Variants in DPYS observed in about 807,000 individuals in gnomAD.
The protein encoded by DPYS is dihydropyrimidine amidohydrolase.
Under a neutral mutation model 50.3 loss-of-function variants are expected in DPYS, and 39 were observed. The observed-to-expected ratio is 0.78, with a 90% CI of 0.60 to 1.01. DPYS has a LOEUF of 1.01. Ranked by LOEUF, DPYS falls within the 50% of genes least tolerant of loss-of-function variation. The pLI is 0.00. For missense variants in DPYS, 659 were observed against 680.9 expected, an observed-to-expected ratio of 0.97 and a Z score of 0.36; for synonymous variants, 245 against 250.7, an observed-to-expected ratio of 0.98 and a Z score of 0.22.
chr8:104,397,665 G>C (rs1719954642), intron 7 of DPYS, among the ~76,000 whole-genome samples: 1 of 152,028 alleles, frequency 6.6e-6, no homozygotes, highest in South Asian at 2.1e-4. Flanking sequence ...TAAATACTTG[G>C]CAATTTTAAT....
At chr8:104,420,934 C>T (rs1812519013) in intron 7 of DPYS, 2 of 152,246 alleles carry the variant, frequency 1.3e-5, no homozygotes, top group Non-Finnish European at 2.9e-5. Flanking sequence ...TTGTGTAACA[C>T]GTTCTTAGTT....
At chr8:104,448,466 C>A (rs1353217407) in intron 2 of DPYS, among the ~76,000 whole-genome samples, 3 of 152,000 alleles carry the variant, frequency 2.0e-5, no homozygotes, top group Admixed American at 2.0e-4. Flanking sequence ...TCAATAATTG[C>A]TTTTGTAGGT....
At chr8:104,429,987 G>A (rs1812897043) in intron 4 of DPYS, among the ~76,000 whole-genome samples, 1 of 152,100 alleles carries the variant, frequency 6.6e-6, no homozygotes, top group Non-Finnish European at 1.5e-5. Flanking sequence ...CCATTCTAAT[G>A]AAACCTTCTC....
At chr8:104,405,368 G>A (rs1038259546) in intron 7 of DPYS, among the ~76,000 whole-genome samples, 1 of 152,262 alleles carries the variant, frequency 6.6e-6, no homozygotes, top group African/African-American at 2.4e-5. Flanking sequence ...CAGTACTCCA[G>A]CCATCAGTGT....
chr8:104,445,029 T>C (rs952465630), intron 3 of DPYS, among the ~76,000 whole-genome samples: 1 of 152,160 alleles, frequency 6.6e-6, no homozygotes, highest in Non-Finnish European at 1.5e-5. Flanking sequence ...ACATCACTGA[T>C]CATCAGAGAA....
intron 4 of DPYS, among the ~76,000 whole-genome samples, chr8:104,442,119 G>A (rs1813375431): frequency 6.6e-6 from 1 of 152,056 alleles, no homozygotes; most frequent in South Asian, 2.1e-4. Context: ...AAACTTCATT[G>A]AACATTTTTA....
In DPYS at chr8:104,392,908, GT is replaced by G. The variant is rs753232888; in HGVS notation, c.1318del (p.Thr440LeufsTer37). 6.2e-7 allele frequency: 1 copy of G among 1,614,188 alleles called. No homozygotes were observed. The highest frequency in any genetic ancestry group is 1.3e-5 in the African/African-American group (1 of 75,048). On this transcript the variant is annotated frameshift_variant, in exon 8 of 10. Transcript: ENST00000351513. LOFTEE classifies it high-confidence loss of function. ...ATATACCACTTTGCCTCTTGAAATA[GT>G]CACAAGGGGCACCCCGTGGCAAACC... ...GMVCHGVPLV[T>X]ISRGKVVYEA...
At chr8:104,406,146 G>A (rs1198978841) in intron 7 of DPYS, among the ~76,000 whole-genome samples, 1 of 152,140 alleles carries the variant, frequency 6.6e-6, no homozygotes, top group Non-Finnish European at 1.5e-5. Flanking sequence ...TGCTGTAAAT[G>A]GCCCCTCCTT....
intron 3 of DPYS, among the ~76,000 whole-genome samples, chr8:104,445,326 T>C (rs1813488811): frequency 6.6e-6 from 1 of 152,196 alleles, no homozygotes; most frequent in Non-Finnish European, 1.5e-5. Flanking sequence ...CCCATATTTG[T>C]TGCTGCACTG....
chr8:104,447,261 C>T, intron 3 of DPYS, 63 bp downstream of exon 3: 1 of 1,592,740 alleles, frequency 6.3e-7, no homozygotes, highest in Non-Finnish European at 8.6e-7. Context: ...TAGGCCCAAT[C>T]ATCTTCACCT....
At chr8:104,393,573 G>A (rs1186700505) in intron 7 of DPYS, among the ~76,000 whole-genome samples, 1 of 152,142 alleles carries the variant, frequency 6.6e-6, no homozygotes. Flanking sequence ...GAAGATAACA[G>A]AAATAATAAA....
At chr8:104,426,928 G>A (rs372957270) in intron 6 of DPYS, among the ~76,000 whole-genome samples, 2 of 152,134 alleles carry the variant, frequency 1.3e-5, no homozygotes, top group African/African-American at 2.4e-5. Flanking sequence ...GGCTGGGCAC[G>A]GTGGCTCACG....
chr8:104,439,075 AAAG>A (rs1813254002), intron 4 of DPYS, among the ~76,000 whole-genome samples: 1 of 152,118 alleles, frequency 6.6e-6, no homozygotes, highest in African/African-American at 2.4e-5. Context: ...AAAAAAAAAA[AAAG>A]GAATACCTAA....
chr8:104,461,871 G>T (rs969773907), intron 1 of DPYS, among the ~76,000 whole-genome samples: 1 of 152,034 alleles, frequency 6.6e-6, no homozygotes, highest in African/African-American at 2.4e-5. Context: ...AAGGACAGGG[G>T]GAAATGTTTA....
At chr8:104,423,741 G>C (rs905160247) in intron 7 of DPYS, among the ~76,000 whole-genome samples, 4 of 152,054 alleles carry the variant, frequency 2.6e-5, no homozygotes, top group Non-Finnish European at 5.9e-5. Flanking sequence ...TATTAACATA[G>C]AATTATGGAA....
intron 7 of DPYS, among the ~76,000 whole-genome samples, chr8:104,394,757 GATA>G: frequency 6.6e-6 from 1 of 150,396 alleles, no homozygotes; most frequent in South Asian, 2.1e-4. Flanking sequence ...GCATGGTGAT[GATA>G]ATAATAAAAA....
At position 104,427,976 on chromosome 8, in the gene DPYS, C is replaced by G. The variant is rs779188165; in HGVS notation, c.1092+4G>C. On this transcript the variant is annotated splice_donor_region_variant and intron_variant, in intron 6 of 9. Coordinates refer to ENST00000351513, the MANE Select transcript of DPYS (RefSeq NM_001385.3). ...AAAGCAAGGCTGGAACCTGTGAAAC[C>G]CACCACGCCTTTTTCCCATATTACG... is the stretch of plus-strand genomic sequence containing the variant. 1.2e-6 allele frequency: 2 copies of G among 1,614,006 alleles called. No individual in the cohort carries two copies. Among genetic ancestry groups the G allele is most frequent in the East Asian group, 2.2e-5 (1 of 44,878 alleles).
intron 8 of DPYS, among the ~76,000 whole-genome samples, chr8:104,388,702 A>G (rs1214449004): frequency 6.6e-6 from 1 of 152,142 alleles, no homozygotes; most frequent in African/African-American, 2.4e-5. Context: ...CTGATTCAAT[A>G]TTTTCCCTTA....
At position 104,381,394 on chromosome 8, in the gene DPYS, C is replaced by T. The variant is rs147384850; in HGVS notation, c.1444-80G>A. 49 of 1,262,604 alleles carry T rather than the reference C, an allele frequency of 3.9e-5. No individual in the cohort carries two copies. The South Asian group carries it at 4.1e-4, about 10-fold the overall frequency. 78.2% of individuals were successfully genotyped at this position (1,262,604 alleles called of 1,614,324 possible). A position where few individuals can be genotyped will look rare whatever the true frequency, so the allele number is the denominator to read the frequency against. On this transcript the variant is annotated intron_variant, in intron 8 of 9. Transcript: ENST00000351513. ...TAAGTGTAGCTCCCTTTATGAATTG[C>T]GAGAGCTTTAAAAAAAGAATCTTAT...
Sources: allele counts gnomAD v4.1 joint callset (sites outside exome capture counted in the v4.1 genomes callset), GRCh38; gene constraint gnomAD v4.1.1; transcripts MANE v1.5; gene names NCBI Gene and HGNC (gene_info 2026-07-23, HGNC 2026-07-21).